The following TRPM3 variants were observed in gnomAD, a reference collection of about 807,000 sequenced individuals.
The protein encoded by TRPM3 is long transient receptor potential channel 3.
In TRPM3, 77 loss-of-function variants were observed where a neutral mutation model predicts 181.2. The ratio of observed to expected loss-of-function variants is 0.42; its 90% CI spans 0.35 to 0.51. The LOEUF (loss-of-function observed/expected upper bound fraction) is 0.51. Among genes scored for constraint, TRPM3 ranks in the 20% least tolerant of loss-of-function variants. The pLI, the probability that TRPM3 is intolerant of heterozygous loss-of-function variation, is 0.01. For synonymous variants in TRPM3, 745 were observed against 796.4 expected (o/e 0.94, Z 1.09); for missense variants, 1,759 against 2,196.7 (o/e 0.80, Z 3.98).
At chr9:71,259,887 A>C (rs897017758) in intron 1 of TRPM3, among the ~76,000 whole-genome samples, 1 of 152,004 alleles carries the variant, frequency 6.6e-6, no homozygotes, top group Non-Finnish European at 1.5e-5. Context: ...CTCTTTTATT[A>C]GACCCCATTT....
chr9:71,101,160 A>T (rs1164448771), intron 1 of TRPM3, among the ~76,000 whole-genome samples: 2 of 152,142 alleles, frequency 1.3e-5, no homozygotes, highest in African/African-American at 4.8e-5. Context: ...TTACTCATTC[A>T]TTCAGGAAAC....
At chr9:70,665,547 A>G (rs189873619) in intron 9 of TRPM3, among the ~76,000 whole-genome samples, 5 of 152,326 alleles carry the variant, frequency 3.3e-5, no homozygotes, top group African/African-American at 4.8e-5. Flanking sequence ...CCTCTGCCAT[A>G]AAGTCAGTCA....
chr9:70,568,667 A>C lies in TRPM3; in HGVS notation c.3224-15357T>G, dbSNP rs569229183. Among the ~76,000 whole-genome samples the C allele has an allele frequency of 8.5e-5, 13 of 152,364 alleles. 1 individual carries two copies. The South Asian group carries it at 2.7e-3, about 32-fold the overall frequency. On this transcript the variant is annotated intron_variant, in intron 22 of 25. Coordinates refer to ENST00000677713, the MANE Select transcript of TRPM3 (RefSeq NM_001366145.2). ...ACACAAATAGGCAAGTAACTTGCAC[A>C]ATGACACACAGCTAGCAAGAGGCAA...
intron 1 of TRPM3, among the ~76,000 whole-genome samples, chr9:70,871,542 C>T (rs1418318819): frequency 1.3e-5 from 2 of 151,922 alleles, no homozygotes; most frequent in African/African-American, 2.4e-5. Flanking sequence ...GGGCATTTTG[C>T]TTAAGTGAAA....
chr9:71,090,044 G>A (rs903160563), intron 1 of TRPM3, among the ~76,000 whole-genome samples: 7 of 152,180 alleles, frequency 4.6e-5, no homozygotes, highest in East Asian at 1.9e-4. Flanking sequence ...CCTGGACTGC[G>A]TGCAGCCTGC....
intron 1 of TRPM3, among the ~76,000 whole-genome samples, chr9:71,210,132 G>A (rs933878643): frequency 6.6e-6 from 1 of 152,142 alleles, no homozygotes; most frequent in East Asian, 1.9e-4. Flanking sequence ...CCTAAGCTCC[G>A]CCTCCTGTCA....
At chr9:71,096,594 T>A (rs5898179) in intron 1 of TRPM3, among the ~76,000 whole-genome samples, 13,051 of 60,404 alleles carry the variant, frequency 0.22, 656 homozygotes, top group Admixed American at 0.28. Context: ...ACACACACTC[T>A]CTCTCTCTCT....
At chr9:70,909,032 C>G (rs1051079768) in intron 1 of TRPM3, among the ~76,000 whole-genome samples, 6 of 152,138 alleles carry the variant, frequency 3.9e-5, no homozygotes, top group African/African-American at 1.4e-4. Flanking sequence ...ATCTTTATTT[C>G]TTTGGAGTAG....
intron 1 of TRPM3, among the ~76,000 whole-genome samples, chr9:71,118,828 G>A (rs1476572059): frequency 6.6e-6 from 1 of 151,894 alleles, no homozygotes; most frequent in Non-Finnish European, 1.5e-5. Flanking sequence ...GGAAGGGAGG[G>A]AGGAGAAAGA....
At chr9:70,946,514 G>C (rs1051508144) in intron 1 of TRPM3, among the ~76,000 whole-genome samples, 4 of 151,812 alleles carry the variant, frequency 2.6e-5, no homozygotes, top group African/African-American at 9.7e-5. Flanking sequence ...ATATTTATAA[G>C]GTACTCATAA....
chr9:70,678,984 A>G (rs1440557998), intron 9 of TRPM3, among the ~76,000 whole-genome samples: 1 of 152,226 alleles, frequency 6.6e-6, no homozygotes, highest in Admixed American at 6.5e-5. Context: ...AATGGCATAA[A>G]TTCCCATTAG....
chr9:70,901,863 A>G (rs1373707026), intron 1 of TRPM3, among the ~76,000 whole-genome samples: 1 of 152,236 alleles, frequency 6.6e-6, no homozygotes, highest in Non-Finnish European at 1.5e-5. Flanking sequence ...AGTGCATGAC[A>G]GCACATATAT....
intron 1 of TRPM3, among the ~76,000 whole-genome samples, chr9:71,198,165 A>C (rs1303182963): frequency 6.6e-6 from 1 of 151,472 alleles, no homozygotes; most frequent in Non-Finnish European, 1.5e-5. Flanking sequence ...CAGGTTTGTC[A>C]AAGATCAGAT....
intron 1 of TRPM3, among the ~76,000 whole-genome samples, chr9:71,327,709 T>A (rs1430097739): frequency 1.3e-5 from 2 of 152,226 alleles, no homozygotes; most frequent in African/African-American, 4.8e-5. Context: ...TCCACTCTTT[T>A]CCTCCAACAG....
chr9:70,651,193 AG>A (rs1297527771), intron 9 of TRPM3, among the ~76,000 whole-genome samples: 2 of 152,192 alleles, frequency 1.3e-5, no homozygotes, highest in Non-Finnish European at 2.9e-5. Flanking sequence ...AAAGGGAAAA[AG>A]TTTATTTAAT....
intron 22 of TRPM3, among the ~76,000 whole-genome samples, chr9:70,587,074 C>T (rs2057271289): frequency 6.6e-6 from 1 of 151,808 alleles, no homozygotes; most frequent in Non-Finnish European, 1.5e-5. Context: ...AAACAAAAAC[C>T]TTCCTACCCC....
At chr9:71,382,534 C>T (rs1380092066) in intron 1 of TRPM3, among the ~76,000 whole-genome samples, 1 of 152,102 alleles carries the variant, frequency 6.6e-6, no homozygotes, top group East Asian at 1.9e-4. Flanking sequence ...CCAGTTCACA[C>T]ACATAAGGCT....
chr9:70,951,809 C>T (rs1440390761), intron 1 of TRPM3, among the ~76,000 whole-genome samples: 2 of 152,142 alleles, frequency 1.3e-5, no homozygotes. Flanking sequence ...TAAAGGAATG[C>T]CTTAACTAAC....
At position 71,012,273 on chromosome 9, in the gene TRPM3, T is replaced by C. The variant is rs543821716; in HGVS notation, c.177+108905A>G. ...TAGAGATTAGAGATATTCCAATGATTAGAGATACCACTTTTTCAGATATTA... is the reference window on the plus strand; with the variant it reads ...TAGAGATTAGAGATATTCCAATGATCAGAGATACCACTTTTTCAGATATTA... On this transcript the variant is annotated intron_variant, in intron 1 of 25. Transcript: ENST00000677713. Among the ~76,000 whole-genome samples the C allele has an allele frequency of 6.6e-5, 10 of 152,328 alleles. No individual in the cohort carries two copies. In the South Asian group the frequency reaches 2.1e-3, roughly 32 times the overall value.
Sources: gnomAD v4.1 joint callset for allele counts (sites outside exome capture counted in the v4.1 genomes callset) on GRCh38, gnomAD v4.1.1 for gene constraint, MANE v1.5 for transcripts, NCBI Gene and HGNC (gene_info 2026-07-23, HGNC 2026-07-21) for gene names.